Variants in CD300LF observed in about 807,000 individuals in gnomAD.
CD300LF encodes the protein CD300 molecule like family member f, also known as CMRF35-like molecule 1.
CD300LF carries 27 observed loss-of-function variants against 32.2 expected under a neutral mutation model. That is an observed-to-expected ratio of 0.84 (90% CI 0.62 to 1.15). The LOEUF (loss-of-function observed/expected upper bound fraction) is 1.15, where lower values mean the gene tolerates loss of function less well. Ranked by LOEUF, CD300LF falls within the 50% of genes most tolerant of loss-of-function variation. The probability of loss-of-function intolerance (pLI) is 0.00; values close to 1 mark genes in which losing one functional copy is unlikely to be tolerated. For missense variants in CD300LF, 348 were observed against 356.8 expected (o/e 0.98, Z 0.20); for synonymous variants, 139 against 143.2 (o/e 0.97, Z 0.21).
intron 1 of CD300LF, among the ~76,000 whole-genome samples, chr17:74,708,721 C>G (rs558020189): frequency 1.6e-4 from 25 of 152,234 alleles, no homozygotes; most frequent in African/African-American, 2.6e-4. Flanking sequence ...TCGAGACCAT[C>G]CTGGCTAACA....
chr17:74,703,287 T>C (rs1018839010), intron 2 of CD300LF, 189 bp from the exon 3 acceptor site: 6 of 630,646 alleles, frequency 9.5e-6, no homozygotes, highest in Non-Finnish European at 1.7e-5. Flanking sequence ...CACTCATGTC[T>C]CCCTGGTCTC....
At chr17:74,710,033 C>T (rs2033831122) in intron 1 of CD300LF, among the ~76,000 whole-genome samples, 1 of 152,286 alleles carries the variant, frequency 6.6e-6, no homozygotes, top group African/African-American at 2.4e-5. Flanking sequence ...GGCTGGAGTG[C>T]AGTGGCTCAA....
chr17:74,704,513 T>A lies in CD300LF; in HGVS notation c.347A>T (p.Asp116Val). ...YWCGIEKTGN[D>V]LGVTVQVTID... is the part of the protein sequence containing the mutation. ...GGTCACTTGAACTGTGACCCCAAGG[T>A]CATTTCCAGTTTTCTCAATTCCACA... The change falls in exon 2 of 7, where the codon GAC becomes GTC. Residue 116 changes from aspartate (D) to valine (V), a missense_variant. Physicochemically the swap from Asp to Val is radical, Grantham distance 152. Coordinates refer to ENST00000326165, the MANE Select transcript of CD300LF (RefSeq NM_139018.5). 2 of 1,613,948 alleles carry A rather than the reference T, an allele frequency of 1.2e-6. No individual in the cohort carries two copies. The highest frequency in any genetic ancestry group is 1.7e-6 in the Non-Finnish European group (2 of 1,179,928).
intron 1 of CD300LF, chr17:74,705,187 T>G (rs775872489): frequency 3.9e-4 from 274 of 697,510 alleles, no homozygotes; most frequent in Non-Finnish European, 5.6e-4. Flanking sequence ...AGGAGACCCC[T>G]TTCCACAGGG....
In CD300LF at chr17:74,698,294, A is replaced by G. The variant is rs75145504; in HGVS notation, c.559+75T>C. 2,962 of 1,017,506 alleles carry G rather than the reference A, an allele frequency of 2.9e-3. 105 individuals carry two copies. In the East Asian group the frequency reaches 0.066, roughly 23 times the overall value. 63.0% of individuals were successfully genotyped at this position (1,017,506 alleles called of 1,614,324 possible). A position where few individuals can be genotyped will look rare whatever the true frequency, so the allele number is the denominator to read the frequency against. On this transcript the variant is annotated intron_variant, in intron 4 of 6. Transcript: ENST00000326165. ...CCTGATTGTGTGGGTAATCCCTTGG[A>G]CCAGATAGCTCCCAGATGCCACATC...
chr17:74,706,882 T>C (rs149967200), intron 1 of CD300LF, among the ~76,000 whole-genome samples: 1,956 of 152,014 alleles, frequency 0.013, 38 homozygotes, highest in Middle Eastern at 0.031. Context: ...GAACACACAA[T>C]GGGGAAAGGA....
In CD300LF at chr17:74,712,883, T is replaced by C. The variant is rs1326901869; in HGVS notation, c.-17A>G. On this transcript the variant is annotated 5_prime_UTR_variant, in exon 1 of 7. Coordinates refer to ENST00000326165, the MANE Select transcript of CD300LF (RefSeq NM_139018.5). The stretch of plus-strand genomic sequence containing the variant: ...CAGGGGCATCTTCTCTTCAGACAGG[T>C]CCCCGTTCCCCTCAGTGGAGCCTGG... 1.2e-5 allele frequency: 20 copies of C among 1,613,532 alleles called. No homozygotes were observed. Among genetic ancestry groups the C allele is most frequent in the Admixed American group, 1.7e-5 (1 of 59,966 alleles).
Position 74,703,234 on chromosome 17 carries a change from G to A in CD300LF, c.383-136C>T, listed in dbSNP as rs769102481. 131 of 1,082,380 alleles carry A rather than the reference G, an allele frequency of 1.2e-4. 1 individual carries two copies. The highest frequency in any genetic ancestry group is 1.7e-4 in the Non-Finnish European group (121 of 730,148). 67.0% of individuals were successfully genotyped at this position (1,082,380 alleles called of 1,614,324 possible). ...CCTGCACACAGCTCTGAGCCTGGGC[G>A]GGGGTCTGGACTGCTACTATGGGAA... On this transcript the variant is annotated intron_variant, in intron 2 of 6. Transcript: ENST00000326165.
chr17:74,706,030 G>C (rs1473829267), intron 1 of CD300LF, among the ~76,000 whole-genome samples: 1 of 152,136 alleles, frequency 6.6e-6, no homozygotes, highest in African/African-American at 2.4e-5. Context: ...ACTTATAAGT[G>C]GGAGCTAAAC....
chr17:74,705,693 T>C (rs138878301), intron 1 of CD300LF, among the ~76,000 whole-genome samples: 3,273 of 152,208 alleles, frequency 0.022, 63 homozygotes, highest in Non-Finnish European at 0.032. Flanking sequence ...CTCCCAGGCT[T>C]AATTGATCCT....
chr17:74,700,194 AAAAT>A (rs779862060), intron 3 of CD300LF, among the ~76,000 whole-genome samples: 3 of 151,848 alleles, frequency 2.0e-5, no homozygotes, highest in Admixed American at 6.6e-5. Flanking sequence ...CAATCAAAAT[AAAAT>A]AAATAAATAA....
intron 3 of CD300LF, among the ~76,000 whole-genome samples, chr17:74,701,453 T>C (rs931262174): frequency 3.3e-5 from 5 of 152,206 alleles, no homozygotes; most frequent in Admixed American, 2.0e-4. Context: ...AAGGCTTCGA[T>C]TCATAAAATA....
intron 3 of CD300LF, among the ~76,000 whole-genome samples, chr17:74,699,564 G>A (rs537513932): frequency 2.0e-4 from 30 of 152,168 alleles, no homozygotes; most frequent in East Asian, 1.7e-3. Flanking sequence ...GAGTGATGCC[G>A]CCACAAGACC....
At chr17:74,708,718 C>G (rs1263453632) in intron 1 of CD300LF, among the ~76,000 whole-genome samples, 1 of 151,706 alleles carries the variant, frequency 6.6e-6, no homozygotes, top group Non-Finnish European at 1.5e-5. Flanking sequence ...AGATCGAGAC[C>G]ATCCTGGCTA....
Position 74,698,436 on chromosome 17 carries a change from G to GGTGAAGAT in CD300LF, c.484_491dup (p.Ile165SerfsTer19). ...CGGCCACCAAAAGCAGCAGCAATAT[G>GGTGAAGAT]GTGAAGATGAGGGGCAGGAGGACAC... On this transcript the variant is annotated frameshift_variant, in exon 4 of 7. Coordinates refer to ENST00000326165, the MANE Select transcript of CD300LF (RefSeq NM_139018.5). LOFTEE classifies it high-confidence loss of function. 6.2e-7 allele frequency: 1 copy of GGTGAAGAT among 1,613,980 alleles called. No individual in the cohort carries two copies.
chr17:74,705,209 C>G, intron 1 of CD300LF: 1 of 702,486 alleles, frequency 1.4e-6, no homozygotes, highest in Non-Finnish European at 2.6e-6. Context: ...CTTACCTTGA[C>G]TCTTAGCACT....
intron 1 of CD300LF, among the ~76,000 whole-genome samples, chr17:74,708,658 G>T (rs564615576): frequency 6.4e-4 from 98 of 152,160 alleles, no homozygotes; most frequent in African/African-American, 2.1e-3. Flanking sequence ...GGCTTACACC[G>T]GTAATCCCAG....
intron 5 of CD300LF, 89 bp downstream of exon 5, chr17:74,696,106 T>C: frequency 6.7e-7 from 1 of 1,496,462 alleles, no homozygotes; most frequent in Non-Finnish European, 9.0e-7. Context: ...AGGACTTCTC[T>C]GATATTTTGG....
intron 3 of CD300LF, among the ~76,000 whole-genome samples, chr17:74,702,070 A>G (rs1484887796): frequency 6.6e-6 from 1 of 152,002 alleles, no homozygotes; most frequent in Non-Finnish European, 1.5e-5. Context: ...AAAAAACAGA[A>G]GGCAAATGGG....
Sources: allele counts gnomAD v4.1 joint callset (sites outside exome capture counted in the v4.1 genomes callset), GRCh38; gene constraint gnomAD v4.1.1; transcripts MANE v1.5; gene names NCBI Gene and HGNC (gene_info 2026-07-23, HGNC 2026-07-21).